The following MSI2 variants were observed in gnomAD, a reference collection of about 807,000 sequenced individuals.
MSI2 encodes RNA-binding protein Musashi homolog 2.
Under a neutral mutation model 45.6 loss-of-function variants are expected in MSI2, and 17 were observed. The ratio of observed to expected loss-of-function variants is 0.37; its 90% CI spans 0.26 to 0.56. The LOEUF is 0.56. Ranked by LOEUF, MSI2 falls within the 20% of genes least tolerant of loss-of-function variation. The probability of loss-of-function intolerance (pLI) is 0.77; values close to 1 mark genes in which losing one functional copy is unlikely to be tolerated. For missense variants in MSI2, 293 were observed against 444.2 expected (o/e 0.66, Z 3.06); for synonymous variants, 156 against 158.2 (o/e 0.99, Z 0.11).
At chr17:57,697,195 CCT>C in the MSI2 span, among the ~76,000 whole-genome samples, 5 of 131,728 alleles carry the variant, frequency 3.8e-5, no homozygotes, top group African/African-American at 5.8e-5. Context: ...ACAGTCAAGT[CCT>C]CTCTCATTTG....
chr17:57,482,324 A>C (rs2085663513), intron 6 of MSI2, among the ~76,000 whole-genome samples: 1 of 152,216 alleles, frequency 6.6e-6, no homozygotes, highest in Non-Finnish European at 1.5e-5. Flanking sequence ...TTCACGCTAC[A>C]GTAAATGCCT....
intron 6 of MSI2, among the ~76,000 whole-genome samples, chr17:57,524,470 A>G (rs2086657174): frequency 6.6e-6 from 1 of 152,218 alleles, no homozygotes; most frequent in Admixed American, 6.5e-5. Flanking sequence ...TAAAGTTACC[A>G]TTTGCTAAGT....
At chr17:57,347,549 C>T (rs1482939713) in intron 5 of MSI2, among the ~76,000 whole-genome samples, 1 of 152,154 alleles carries the variant, frequency 6.6e-6, no homozygotes, top group Non-Finnish European at 1.5e-5. Flanking sequence ...TTCTGTCTTG[C>T]GTTTCTCTCT....
intron 5 of MSI2, among the ~76,000 whole-genome samples, chr17:57,348,587 C>G (rs1915790586): frequency 6.6e-6 from 1 of 152,114 alleles, no homozygotes; most frequent in African/African-American, 2.4e-5. Flanking sequence ...CTTCTTGCCC[C>G]CTTTCTTGCC....
chr17:57,376,837 C>T (rs1483589770), intron 5 of MSI2, among the ~76,000 whole-genome samples: 1 of 152,086 alleles, frequency 6.6e-6, no homozygotes, highest in African/African-American at 2.4e-5. Flanking sequence ...AATAAGATCC[C>T]ACCTTCCCCT....
chr17:57,417,311 G>T (rs1385966080), intron 6 of MSI2, among the ~76,000 whole-genome samples: 2 of 152,126 alleles, frequency 1.3e-5, no homozygotes, highest in African/African-American at 4.8e-5. Flanking sequence ...CACACCCCTG[G>T]ATATCACAGT....
chr17:57,390,457 G>A (rs1015899482), intron 5 of MSI2, among the ~76,000 whole-genome samples: 3 of 152,196 alleles, frequency 2.0e-5, no homozygotes, highest in Non-Finnish European at 4.4e-5. Context: ...CCCCCACCCC[G>A]CAGGCCATGC....
At chr17:57,575,044 A>C (rs1325660747) in intron 7 of MSI2, among the ~76,000 whole-genome samples, 1 of 151,802 alleles carries the variant, frequency 6.6e-6, no homozygotes, top group Non-Finnish European at 1.5e-5. Context: ...GTTAGCCAGG[A>C]TGGTCTCAAT....
intron 6 of MSI2, among the ~76,000 whole-genome samples, chr17:57,464,922 C>T (rs866649789): frequency 2.0e-5 from 3 of 152,212 alleles, no homozygotes; most frequent in Admixed American, 6.5e-5. Flanking sequence ...GAGATACTGT[C>T]GTGAAAGCCT....
chr17:57,453,002 CTT>C (rs59001273), intron 6 of MSI2, among the ~76,000 whole-genome samples: 5,638 of 118,244 alleles, frequency 0.048, 306 homozygotes, highest in African/African-American at 0.14. Flanking sequence ...GGTTGAGGGA[CTT>C]TTTTTTTTTT....
intron 6 of MSI2, among the ~76,000 whole-genome samples, chr17:57,485,075 C>T (rs1376998021): frequency 2.6e-5 from 4 of 152,066 alleles, no homozygotes; most frequent in Non-Finnish European, 4.4e-5. Flanking sequence ...CCCTTAGTGC[C>T]GGCTCACTGC....
chr17:57,628,252 C>T (rs1305076674), intron 10 of MSI2: 1 of 152,242 alleles, frequency 6.6e-6, no homozygotes, highest in African/African-American at 2.4e-5. Flanking sequence ...GTCGTCATGC[C>T]TAGACCTGGA....
At chr17:57,672,180 A>T (rs960797811) in intron 11 of MSI2, among the ~76,000 whole-genome samples, 1 of 152,232 alleles carries the variant, frequency 6.6e-6, no homozygotes, top group South Asian at 2.1e-4. Context: ...GCAAGTGCGT[A>T]ATAAAACGGG....
intron 6 of MSI2, among the ~76,000 whole-genome samples, chr17:57,440,467 T>TGTGTGTGTGTGTGTGTGG: frequency 7.1e-6 from 1 of 140,286 alleles, no homozygotes; most frequent in East Asian, 2.1e-4. Flanking sequence ...TGTGTGTGTG[T>TGTGTGTGTGTGTGTGTGG]AGCGTGGCTG....
chr17:57,442,899 AG>A (rs994642569), intron 6 of MSI2, among the ~76,000 whole-genome samples: 1 of 152,178 alleles, frequency 6.6e-6, no homozygotes, highest in Non-Finnish European at 1.5e-5. Flanking sequence ...TCCTTATTAA[AG>A]TTTGAAGGGA....
chr17:57,570,013 A>G (rs543624693), intron 7 of MSI2, among the ~76,000 whole-genome samples: 2 of 152,336 alleles, frequency 1.3e-5, no homozygotes, highest in African/African-American at 4.8e-5. Flanking sequence ...ACACACACTC[A>G]GGAGAACACT....
chr17:57,661,141 C>T (rs1485663817), intron 11 of MSI2, among the ~76,000 whole-genome samples: 1 of 152,208 alleles, frequency 6.6e-6, no homozygotes, highest in Non-Finnish European at 1.5e-5. Context: ...TAACTCTGGA[C>T]TCAACATCAT....
At chr17:57,685,804 A>G (rs572564874), downstream of MSI2, among the ~76,000 whole-genome samples, 1 of 152,218 alleles carries the variant, frequency 6.6e-6, no homozygotes, top group Non-Finnish European at 1.5e-5. Flanking sequence ...TGAAAGACCA[A>G]TGGAAGCTGA....
intron 4 of MSI2, among the ~76,000 whole-genome samples, chr17:57,261,467 C>T (rs1045178067): frequency 6.6e-6 from 1 of 151,878 alleles, no homozygotes; most frequent in African/African-American, 2.4e-5. Flanking sequence ...GTGGATTTAG[C>T]TCACATGCTT....
Sources: allele counts gnomAD v4.1 joint callset (sites outside exome capture counted in the v4.1 genomes callset), GRCh38; gene constraint gnomAD v4.1.1; transcripts MANE v1.5; gene names NCBI Gene and HGNC (gene_info 2026-07-23, HGNC 2026-07-21).